The following LLGL2 variants were observed in gnomAD, a reference collection of about 807,000 sequenced individuals.
LLGL2 encodes LLGL2, scribble cell polarity complex component.
LLGL2 carries 81 observed loss-of-function variants against 123.2 expected under a neutral mutation model. That is an observed-to-expected ratio of 0.66 (90% CI 0.55 to 0.79). LLGL2 has a LOEUF of 0.79. LLGL2 is among the 30% of genes least tolerant of loss of function. The pLI is 0.00. For missense variants in LLGL2, 1,273 were observed against 1,414.6 expected (o/e 0.90, Z 1.61); for synonymous variants, 577 against 594.1 (o/e 0.97, Z 0.42).
intron 2 of LLGL2, among the ~76,000 whole-genome samples, chr17:75,555,334 G>A (rs1248248317): frequency 6.7e-6 from 1 of 149,578 alleles, no homozygotes. Context: ...CTGTCGCCCA[G>A]GCTGCTCTGC....
intron 1 of LLGL2, among the ~76,000 whole-genome samples, chr17:75,531,379 A>C (rs1439530713): frequency 6.6e-6 from 1 of 152,220 alleles, no homozygotes; most frequent in Non-Finnish European, 1.5e-5. Context: ...TGGTCTTTCC[A>C]GATGAGTCAA....
At chr17:75,556,705 C>T (rs1317629068) in intron 3 of LLGL2, among the ~76,000 whole-genome samples, 1 of 152,156 alleles carries the variant, frequency 6.6e-6, no homozygotes, top group African/African-American at 2.4e-5. Context: ...CCCCACCTCA[C>T]CACCAGAAAA....
chr17:75,557,765 T>C lies in LLGL2; in HGVS notation c.174-390T>C, dbSNP rs145687567. ...TACCAATCCCTGGTGCCAAGACTAATGGGCCAAGGCTGTTGGTGATAGGCC... is the reference window on the plus strand; with the variant it reads ...TACCAATCCCTGGTGCCAAGACTAACGGGCCAAGGCTGTTGGTGATAGGCC... On this transcript the variant is annotated intron_variant, in intron 3 of 25. Transcript: ENST00000392550. 508 of 340,984 alleles carry C rather than the reference T, an allele frequency of 1.5e-3. 2 individuals are homozygous for C. The highest frequency in any genetic ancestry group is 2.6e-3 in the Admixed American group (64 of 25,062). The allele number at this position is 340,984 out of a possible 1,614,324, so 21.1% of individuals were successfully genotyped here.
At chr17:75,536,716 C>A (rs2054016126) in intron 1 of LLGL2, among the ~76,000 whole-genome samples, 1 of 152,226 alleles carries the variant, frequency 6.6e-6, no homozygotes, top group Admixed American at 6.5e-5. Flanking sequence ...AATCCCATAA[C>A]CCTTCCGAGT....
intron 19 of LLGL2, among the ~76,000 whole-genome samples, chr17:75,572,359 A>G (rs1247018566): frequency 8.6e-6 from 1 of 115,938 alleles, no homozygotes; most frequent in Non-Finnish European, 1.7e-5. Context: ...TACTAAAAAT[A>G]CAAAAAAAAA....
rs2055587458 is a variant in LLGL2, at chr17:75,569,318, C to G, written c.1574C>G (p.Ala525Gly). Residue 525 changes from alanine (A) to glycine (G), a missense_variant, in exon 14 of 26, where the codon GCA (alanine) becomes GGA (glycine). Physicochemically the swap from Ala to Gly is moderately conservative, Grantham distance 60 (BLOSUM62 0). Transcript: ENST00000392550. ...GGCTACCTGGCTGTGGCAGGCACGGCAGGGCAGGTAGCAGGCTGGGCTGGG... is the reference window on the plus strand; with the variant it reads ...GGCTACCTGGCTGTGGCAGGCACGGGAGGGCAGGTAGCAGGCTGGGCTGGG... Reference protein sequence around the residue: ...YSGYLAVAGTAGQVLVLELND... With the variant: ...YSGYLAVAGTGGQVLVLELND... The G allele has an allele frequency of 6.2e-7, 1 of 1,612,334 alleles. No individual in the cohort carries two copies. Among genetic ancestry groups the G allele is most frequent in the African/African-American group, 1.3e-5 (1 of 74,926 alleles).
intron 6 of LLGL2, chr17:75,562,655 G>T: frequency 8.0e-6 from 2 of 251,218 alleles, no homozygotes; most frequent in Admixed American, 4.7e-5. Flanking sequence ...TGCAACCTCC[G>T]CCTCCTGGGT....
chr17:75,529,362 AATTTTTGT>A (rs1409648126), intron 1 of LLGL2, among the ~76,000 whole-genome samples: 3 of 150,946 alleles, frequency 2.0e-5, no homozygotes, highest in Admixed American at 1.3e-4. Flanking sequence ...AGGCCCAGCT[AATTTTTGT>A]ATTTTTGTAT....
intron 2 of LLGL2, among the ~76,000 whole-genome samples, chr17:75,553,716 G>A (rs892835196): frequency 6.6e-6 from 1 of 152,112 alleles, no homozygotes; most frequent in African/African-American, 2.4e-5. Flanking sequence ...TGGGAGGCGG[G>A]GGTCAGATTG....
intron 6 of LLGL2, among the ~76,000 whole-genome samples, chr17:75,561,532 G>T (rs971900162): frequency 6.6e-6 from 1 of 152,002 alleles, no homozygotes; most frequent in East Asian, 1.9e-4. Context: ...GAGGTGGGAG[G>T]ATCACTTGAG....
Position 75,558,512 on chromosome 17 carries a change from T to C in LLGL2, c.256T>C (p.Cys86Arg). The C allele has an allele frequency of 6.3e-7, 1 of 1,586,400 alleles. No homozygotes were observed. Among genetic ancestry groups the C allele is most frequent in the South Asian group, 1.2e-5 (1 of 86,894 alleles). ...TGATCCCGTCGTGTGCCCTCGCCAG[T>C]GCCAGCTGGTCACCCTGCTGGATGA... is the stretch of plus-strand genomic sequence containing the variant. The part of the protein sequence containing the change: ...VTQIHLLPGQ[C>R]QLVTLLDDNS... Residue 86 changes from cysteine (C) to arginine (R), a missense_variant and splice_region_variant, in exon 5 of 26, where the codon TGC becomes CGC. Cys to Arg is a radical substitution (Grantham distance 180). Transcript: ENST00000392550. This position sits in a 1 kb window ranked among gnomAD's most constrained non-coding sequence, Gnocchi z 4.0.
chr17:75,551,295 C>T (rs2054660556), intron 2 of LLGL2, among the ~76,000 whole-genome samples: 1 of 152,156 alleles, frequency 6.6e-6, no homozygotes, highest in Admixed American at 6.5e-5. Context: ...GATCCATCAT[C>T]TCCAATCCAA....
intron 1 of LLGL2, among the ~76,000 whole-genome samples, chr17:75,526,129 G>A (rs2053558671): frequency 6.6e-6 from 1 of 152,182 alleles, no homozygotes; most frequent in Non-Finnish European, 1.5e-5. Flanking sequence ...GCTGGGTGCG[G>A]GGGGCACCGC....
chr17:75,574,533 G>T (rs1322083766), intron 24 of LLGL2, 38 bp downstream of exon 24: 2 of 1,580,850 alleles, frequency 1.3e-6, no homozygotes, highest in South Asian at 2.3e-5. Flanking sequence ...TGGGCCCGAG[G>T]CTCTGCCAGA....
rs959407705 is a variant in LLGL2, at chr17:75,568,484, G to C, written c.1045G>C (p.Asp349His). The C allele has an allele frequency of 2.5e-6, 4 of 1,612,130 alleles. No individual in the cohort carries two copies. The highest frequency in any genetic ancestry group is 3.4e-6 in the Non-Finnish European group (4 of 1,179,898). ...TEADPAATFD[D>H]PYALVVLAEE... is the part of the protein sequence containing the mutation. Reference sequence around the variant, plus strand: ...CTTGCCCTGTACCCCAGCCTTTGACGACCCCTATGCCCTGGTGGTGCTGGC... The same window carrying C: ...CTTGCCCTGTACCCCAGCCTTTGACCACCCCTATGCCCTGGTGGTGCTGGC... Residue 349 changes from aspartate to histidine, a missense_variant, in exon 11 of 26, where the codon GAC becomes CAC. Transcript: ENST00000392550.
intron 8 of LLGL2, 72 bp from the exon 9 acceptor site, chr17:75,563,680 A>G (rs1279077535): frequency 5.1e-6 from 8 of 1,560,800 alleles, no homozygotes; most frequent in African/African-American, 2.7e-5. Flanking sequence ...AGCTAGAGGG[A>G]TCTGTGCCTG....
chr17:75,573,721 A>G, intron 21 of LLGL2, 90 bp downstream of exon 21: 1 of 1,204,654 alleles, frequency 8.3e-7, no homozygotes, highest in Non-Finnish European at 1.1e-6. Flanking sequence ...GCCTGGCTGG[A>G]GGCACCTCCC....
intron 21 of LLGL2, 135 bp from the exon 22 acceptor site, chr17:75,573,817 C>T (rs1303677019): frequency 1.6e-6 from 2 of 1,247,542 alleles, no homozygotes; most frequent in South Asian, 2.6e-5. Flanking sequence ...CAGTCCAGGG[C>T]AGGACTCAGT....
At chr17:75,537,379 G>T (rs1411142408) in intron 1 of LLGL2, among the ~76,000 whole-genome samples, 1 of 151,932 alleles carries the variant, frequency 6.6e-6, no homozygotes, top group East Asian at 1.9e-4. Flanking sequence ...GAGATAAAAT[G>T]GTCCCTTTAC....
Sources: gnomAD v4.1 joint callset for allele counts (sites outside exome capture counted in the v4.1 genomes callset) on GRCh38, gnomAD v4.1.1 for gene constraint, Gnocchi (gnomAD v3.1) non-coding constraint, MANE v1.5 for transcripts, NCBI Gene and HGNC (gene_info 2026-07-23, HGNC 2026-07-21) for gene names.